SPEG: variants seen among roughly 807,000 people sequenced by gnomAD.
SPEG encodes striated muscle enriched protein kinase.
Under a neutral mutation model 300.4 loss-of-function variants are expected in SPEG, and 114 were observed. That is an observed-to-expected ratio of 0.38 (90% CI 0.33 to 0.44). The LOEUF (loss-of-function observed/expected upper bound fraction) is 0.44. Ranked by LOEUF, SPEG falls within the 20% of genes least tolerant of loss-of-function variation. SPEG has a pLI of 1.00. For synonymous variants in SPEG, 1,964 were observed against 2,018.9 expected, an observed-to-expected ratio of 0.97 and a Z score of 0.73; for missense variants, 4,201 against 4,586.2, an observed-to-expected ratio of 0.92 and a Z score of 2.43.
At chr2:219,475,749 T>C (rs972794232) in intron 18 of SPEG, among the ~76,000 whole-genome samples, 2 of 152,168 alleles carry the variant, frequency 1.3e-5, no homozygotes, top group Non-Finnish European at 2.9e-5. Context: ...TGGAGCCCCA[T>C]TTGAGCCCAG....
In SPEG at chr2:219,448,987, C is replaced by A. The variant is rs767437385; in HGVS notation, c.1829C>A (p.Pro610His). The A allele has an allele frequency of 6.7e-7, 1 of 1,494,502 alleles. No individual in the cohort carries two copies. The allele number at this position is 1,494,502 out of a possible 1,614,324, so 92.6% of individuals were successfully genotyped here. A position where few individuals can be genotyped will look rare whatever the true frequency, so the allele number is the denominator to read the frequency against. ...AGAGCCATCCAGGAGTGCAGGAGCC[C>A]TGTGCCGCCCCCCGCCGCCGATCCC... ...RSRAIQECRS[P>H]VPPPAADPPE... The change falls in exon 4 of 41, where the codon CCT (proline) becomes CAT (histidine). Residue 610 changes from proline to histidine, a missense_variant. By Grantham distance (77) the Pro-to-His change is moderately conservative. Transcript: ENST00000312358.
rs113168529 is a variant in SPEG, at chr2:219,481,518, C to T, written c.5522+62C>T. 37 of 1,606,228 alleles carry T rather than the reference C, an allele frequency of 2.3e-5. No homozygotes were observed. The highest frequency in any genetic ancestry group is 2.0e-4 in the African/African-American group (15 of 74,870). On this transcript the variant is annotated intron_variant, in intron 27 of 40. Coordinates refer to ENST00000312358, the MANE Select transcript of SPEG (RefSeq NM_005876.5). The surrounding 1 kb of genome is among the most constrained non-coding windows in gnomAD (Gnocchi z 5.4). ...TCACCCTCATACCACCTGCCTGCTA[C>T]TCCCAAACTCCTGCCCCTCGACATG...
intron 10 of SPEG, among the ~76,000 whole-genome samples, chr2:219,468,078 CG>C (rs1691536307): frequency 1.3e-5 from 2 of 152,178 alleles, no homozygotes; most frequent in South Asian, 2.1e-4. Context: ...GAGGGTGCAT[CG>C]GGTCAACATA....
chr2:219,492,835 A>T lies in SPEG; in HGVS notation c.*49A>T. ...CGGGCTTCAACTGGGGTTCCCACCAATGCCACGGGACATTCCAGGGCCCAC... is the reference window on the plus strand; with the variant it reads ...CGGGCTTCAACTGGGGTTCCCACCATTGCCACGGGACATTCCAGGGCCCAC... On this transcript the variant is annotated 3_prime_UTR_variant, in exon 41 of 41. Transcript: ENST00000312358. The T allele has an allele frequency of 6.6e-7, 1 of 1,518,448 alleles. No individual in the cohort carries two copies. Among genetic ancestry groups the T allele is most frequent in the Non-Finnish European group, 8.8e-7 (1 of 1,131,120 alleles). The allele number at this position is 1,518,448 out of a possible 1,614,324, so 94.1% of individuals were successfully genotyped here.
Position 219,479,697 on chromosome 2 carries a change from G to C in SPEG, c.5086-86G>C. On this transcript the variant is annotated intron_variant, in intron 23 of 40. Transcript: ENST00000312358. This position sits in a 1 kb window ranked among gnomAD's most constrained non-coding sequence, Gnocchi z 5.5. ...CGAGCCATCTGAAGGCTACTCCACA[G>C]GCACAGCCGGACCGCTTGCCGCCCT... The C allele has an allele frequency of 7.9e-7, 1 of 1,261,822 alleles. No individual in the cohort carries two copies. The highest frequency in any genetic ancestry group is 1.2e-6 in the Non-Finnish European group (1 of 865,938). 78.2% of individuals were successfully genotyped at this position (1,261,822 alleles called of 1,614,324 possible).
At position 219,481,750 on chromosome 2, in the gene SPEG, A is replaced by G. The variant is rs1692864872; in HGVS notation, c.5565+70A>G. On this transcript the variant is annotated intron_variant, in intron 28 of 40. Coordinates refer to ENST00000312358, the MANE Select transcript of SPEG (RefSeq NM_005876.5). The surrounding 1 kb of genome is among the most constrained non-coding windows in gnomAD (Gnocchi z 5.4). ...GAGAATGTTACTAACAGCTCTATTT[A>G]TTGAGTACCTACTGTGTGCAGTAAC... 1 of 1,374,566 alleles carries G rather than the reference A, an allele frequency of 7.3e-7. No homozygotes were observed. The highest frequency in any genetic ancestry group is 1.4e-5 in the African/African-American group (1 of 70,136). The allele number at this position is 1,374,566 out of a possible 1,614,324, so 85.1% of individuals were successfully genotyped here. A position where few individuals can be genotyped will look rare whatever the true frequency, so the allele number is the denominator to read the frequency against.
chr2:219,448,398 C>T lies in SPEG; in HGVS notation c.1240C>T (p.Leu414=). The T allele has an allele frequency of 1.3e-6, 2 of 1,538,514 alleles. No homozygotes were observed. The highest frequency in any genetic ancestry group is 1.7e-6 in the Non-Finnish European group (2 of 1,146,410). The change falls in exon 4 of 41, where the codon CTG becomes TTG. Residue 414 remains leucine, a synonymous_variant. Coordinates refer to ENST00000312358, the MANE Select transcript of SPEG (RefSeq NM_005876.5). ...GTTCTTCGAGGAGCGACGGCGCAGC[C>T]TGGAGCGCAGCGACTCGCCGCCGGC... The part of the protein sequence containing the change: ...LQFFEERRRS[L]ERSDSPPAPL...
rs534412016 is a variant in SPEG, at chr2:219,483,749, G to A, written c.6286G>A (p.Gly2096Arg). The A allele has an allele frequency of 1.9e-6, 3 of 1,541,388 alleles. No homozygotes were observed. Among genetic ancestry groups the A allele is most frequent in the South Asian group, 1.2e-5 (1 of 84,772 alleles). ...GLRGPLLESLGGRARDPRMAR... is the reference protein window; with the variant it reads ...GLRGPLLESLRGRARDPRMAR... ...CAGGGGTCCCCTGCTGGAGAGCCTGGGGGGCCGTGCTCGGGACCCCCGGAT... is the reference window on the plus strand; with the variant it reads ...CAGGGGTCCCCTGCTGGAGAGCCTGAGGGGCCGTGCTCGGGACCCCCGGAT... The change falls in exon 30 of 41, where the codon GGG (glycine) becomes AGG (arginine). Residue 2096 changes from glycine (G) to arginine (R), a missense_variant. Gly to Arg is a moderately radical substitution (Grantham distance 125). Coordinates refer to ENST00000312358, the MANE Select transcript of SPEG (RefSeq NM_005876.5).
At chr2:219,475,199 T>C (rs1410384220) in intron 18 of SPEG, among the ~76,000 whole-genome samples, 3 of 152,086 alleles carry the variant, frequency 2.0e-5, no homozygotes, top group Non-Finnish European at 4.4e-5. Flanking sequence ...ACTCTAGACA[T>C]ATGTAACCGC....
chr2:219,481,902 A>C lies in SPEG; in HGVS notation c.5565+222A>C, dbSNP rs1484156658. ...ATCAGTGATGGAGTTGGGGGTATAC[A>C]TACTGGACTCCAGGGCATACGTCTG... On this transcript the variant is annotated intron_variant, in intron 28 of 40. Transcript: ENST00000312358. This position sits in a 1 kb window ranked among gnomAD's most constrained non-coding sequence, Gnocchi z 5.4. 6.6e-6 allele frequency among the ~76,000 whole-genome samples: 1 copy of C among 152,186 alleles called. No individual in the cohort carries two copies. The highest frequency in any genetic ancestry group is 1.5e-5 in the Non-Finnish European group (1 of 68,038).
intron 4 of SPEG, 89 bp downstream of exon 4, chr2:219,449,360 G>T (rs912794651): frequency 3.5e-6 from 4 of 1,128,822 alleles, no homozygotes; most frequent in South Asian, 5.5e-5. Flanking sequence ...GAGCCGGGGG[G>T]TCGGGGGTTT....
At chr2:219,465,741 C>CTGA (rs1215594495) in intron 9 of SPEG, 1 of 486,368 alleles carries the variant, frequency 2.1e-6, no homozygotes, top group African/African-American at 2.0e-5. Context: ...CAGTGCTGCC[C>CTGA]TGACGGTGTG....
Position 219,454,297 on chromosome 2 carries a change from C to G in SPEG, c.2440+2490C>G, listed in dbSNP as rs1278739210. ...AAGGAGCTGGTCCTCACCAGCTCCC[C>G]TGGTCCCTCCCACCCTTTCCACCCC... On this transcript the variant is annotated intron_variant, in intron 6 of 40. Coordinates refer to ENST00000312358, the MANE Select transcript of SPEG (RefSeq NM_005876.5). Among the ~76,000 whole-genome samples, 6 of 152,196 alleles carry G rather than the reference C, an allele frequency of 3.9e-5. No individual in the cohort carries two copies. The East Asian group carries it at 9.6e-4, about 24-fold the overall frequency.
Position 219,473,783 on chromosome 2 carries a change from G to A in SPEG, c.4327G>A (p.Asp1443Asn). The part of the protein sequence containing the change: ...RAGVYELSQP[D>N]DDQYCLRICR... ...CGGTGTGTACGAGCTGAGCCAGCCA[G>A]ATGATGACCAGTACTGTCTTCGGAT... is the stretch of plus-strand genomic sequence containing the variant. Residue 1443 changes from aspartate to asparagine, a missense_variant, in exon 18 of 41, where the codon GAT (aspartate) becomes AAT (asparagine). Asp to Asn is a conservative substitution (Grantham distance 23, BLOSUM62 1). Transcript: ENST00000312358. This position sits in a 1 kb window ranked among gnomAD's most constrained non-coding sequence, Gnocchi z 4.6. 1 of 1,614,084 alleles carries A rather than the reference G, an allele frequency of 6.2e-7. No individual in the cohort carries two copies. Among genetic ancestry groups the A allele is most frequent in the Non-Finnish European group, 8.5e-7 (1 of 1,180,040 alleles).
Position 219,482,871 on chromosome 2 carries a change from C to G in SPEG, c.5634+19C>G. The G allele has an allele frequency of 6.2e-7, 1 of 1,610,932 alleles. No individual in the cohort carries two copies. Among genetic ancestry groups the G allele is most frequent in the Non-Finnish European group, 8.5e-7 (1 of 1,177,490 alleles). On this transcript the variant is annotated intron_variant, in intron 29 of 40. Transcript: ENST00000312358. ...GTGGCAGGTAAGTGTGGCAGGCCAG[C>G]CTCTGTGCTTTCCACCTTCTCCTTT...
At position 219,461,185 on chromosome 2, in the gene SPEG, T is replaced by C. The variant is rs537200232; in HGVS notation, c.2441-697T>C. 1.1e-5 allele frequency: 11 copies of C among 982,384 alleles called. No homozygotes were observed. In the East Asian group the frequency reaches 1.1e-3, roughly 101 times the overall value. 60.9% of individuals were successfully genotyped at this position (982,384 alleles called of 1,614,324 possible). On this transcript the variant is annotated intron_variant, in intron 6 of 40. Coordinates refer to ENST00000312358, the MANE Select transcript of SPEG (RefSeq NM_005876.5). Reference sequence around the variant, plus strand: ...GACACCCCTCCCCCAAGGCTGACTCTGGTGCCCCCCTCCTCTTCCCCCAGG... The same window carrying C: ...GACACCCCTCCCCCAAGGCTGACTCCGGTGCCCCCCTCCTCTTCCCCCAGG...
rs777665655 is a variant in SPEG, at chr2:219,435,237, C to T, written c.260C>T (p.Ala87Val). The change falls in exon 1 of 41, where the codon GCC becomes GTC. Residue 87 changes from alanine (A) to valine (V), a missense_variant. This residue lies in a region of SPEG where 1,258 missense variants were observed against 1,293.9 expected (regional missense o/e 0.97). Transcript: ENST00000312358. ...FRDGQLLPAPAPEPSCLWLRR... is the reference protein window; with the variant it reads ...FRDGQLLPAPVPEPSCLWLRR... ...GATGGGCAGCTCCTGCCCGCGCCGGCCCCCGAGCCCAGCTGCCTGTGGCTG... is the reference window on the plus strand; with the variant it reads ...GATGGGCAGCTCCTGCCCGCGCCGGTCCCCGAGCCCAGCTGCCTGTGGCTG... 3 of 1,476,206 alleles carry T rather than the reference C, an allele frequency of 2.0e-6. No homozygotes were observed. In the South Asian group the frequency reaches 3.9e-5, roughly 19 times the overall value. The allele number at this position is 1,476,206 out of a possible 1,614,324, so 91.4% of individuals were successfully genotyped here. A position where few individuals can be genotyped will look rare whatever the true frequency, so the allele number is the denominator to read the frequency against.
In SPEG at chr2:219,488,236, T is replaced by C; in HGVS notation, c.7784T>C (p.Leu2595Pro). Reference sequence around the variant, plus strand: ...CACATCAAACTCAAGGACCAGGTGCTGCTGGAGGGGGAGGCAGCCACCCTG... The same window carrying C: ...CACATCAAACTCAAGGACCAGGTGCCGCTGGAGGGGGAGGCAGCCACCCTG... ...VFHIKLKDQV[L>P]LEGEAATLLC... Residue 2595 changes from leucine to proline, a missense_variant, in exon 32 of 41, where the codon CTG becomes CCG. Leu to Pro is a moderately conservative substitution (Grantham distance 98). Transcript: ENST00000312358. 6.2e-7 allele frequency: 1 copy of C among 1,613,826 alleles called. No individual in the cohort carries two copies. The highest frequency in any genetic ancestry group is 8.5e-7 in the Non-Finnish European group (1 of 1,179,906).
rs1183792499 is a variant in SPEG at position 219,445,402 on chromosome 2, G to T, written c.815+241G>T. On this transcript the variant is annotated intron_variant, in intron 3 of 40. Coordinates refer to ENST00000312358, the MANE Select transcript of SPEG (RefSeq NM_005876.5). This position sits in a 1 kb window ranked among gnomAD's most constrained non-coding sequence, Gnocchi z 6.1. Reference sequence around the variant, plus strand: ...ACCATGCCATCTCCATGGTCTCCTGGACCCTGCTGTCCCTTCCTTGTCTCC... The same window carrying T: ...ACCATGCCATCTCCATGGTCTCCTGTACCCTGCTGTCCCTTCCTTGTCTCC... 2.1e-5 allele frequency: 12 copies of T among 571,534 alleles called. No homozygotes were observed. Among genetic ancestry groups the T allele is most frequent in the Admixed American group, 3.1e-5 (1 of 32,118 alleles). 35.4% of individuals were successfully genotyped at this position (571,534 alleles called of 1,614,324 possible).
Sources: allele counts gnomAD v4.1 joint callset (sites outside exome capture counted in the v4.1 genomes callset), GRCh38; gene constraint gnomAD v4.1.1; regional missense constraint gnomAD v4.1.1; non-coding constraint Gnocchi (gnomAD v3.1); transcripts MANE v1.5; gene names NCBI Gene and HGNC (gene_info 2026-07-23, HGNC 2026-07-21).